TMEM163: variants seen among roughly 807,000 people sequenced by gnomAD.
TMEM163 encodes transmembrane protein 163.
Under a neutral mutation model 29.3 loss-of-function variants are expected in TMEM163, and 17 were observed. That is an observed-to-expected ratio of 0.58 (90% CI 0.40 to 0.87). TMEM163 has a LOEUF of 0.87. TMEM163 is among the 40% of genes least tolerant of loss of function. The probability of loss-of-function intolerance (pLI) is 0.00; values close to 1 mark genes in which losing one functional copy is unlikely to be tolerated. For synonymous variants in TMEM163, 157 were observed against 160.6 expected, an observed-to-expected ratio of 0.98 and a Z score of 0.17; for missense variants, 303 against 381.5, an observed-to-expected ratio of 0.79 and a Z score of 1.71.
intron 5 of TMEM163, among the ~76,000 whole-genome samples, chr2:134,479,126 A>C (rs1050705711): frequency 1.3e-5 from 2 of 151,988 alleles, no homozygotes; most frequent in Non-Finnish European, 2.9e-5. Context: ...GAACCTCCCA[A>C]CCTCCAGAAC....
chr2:134,473,163 C>A (rs995327633), intron 5 of TMEM163, among the ~76,000 whole-genome samples: 1 of 152,022 alleles, frequency 6.6e-6, no homozygotes. Context: ...TGAGCTTTGC[C>A]TTTAAGAAAA....
At chr2:134,634,015 AT>A (rs1408235485) in intron 2 of TMEM163, among the ~76,000 whole-genome samples, 13 of 33,154 alleles carry the variant, frequency 3.9e-4, no homozygotes, top group African/African-American at 5.5e-4. Context: ...ATATATATAT[AT>A]ATATAATAGG....
chr2:134,529,678 A>G (rs12997756), intron 4 of TMEM163, among the ~76,000 whole-genome samples: 40,758 of 151,634 alleles, frequency 0.27, 5,661 homozygotes, highest in Middle Eastern at 0.38. Context: ...ACTTGAACCC[A>G]GGAGGCAGAG....
At chr2:134,641,858 T>C (rs1574302404) in intron 2 of TMEM163, among the ~76,000 whole-genome samples, 1 of 152,118 alleles carries the variant, frequency 6.6e-6, no homozygotes, top group Non-Finnish European at 1.5e-5. Context: ...AATATAATTA[T>C]ATAAATAGGT....
At chr2:134,563,424 G>T (rs1329254772) in intron 2 of TMEM163, among the ~76,000 whole-genome samples, 1 of 152,210 alleles carries the variant, frequency 6.6e-6, no homozygotes, top group Non-Finnish European at 1.5e-5. Context: ...AGTGAATTCA[G>T]CAAGGCCACC....
chr2:134,457,960 G>C, intron 7 of TMEM163, 72 bp downstream of exon 7: 1 of 1,602,034 alleles, frequency 6.2e-7, no homozygotes, highest in African/African-American at 1.3e-5. Flanking sequence ...GTCATTTCCT[G>C]ACTGGGGAAG....
At chr2:134,607,150 G>A (rs1289727680) in intron 2 of TMEM163, among the ~76,000 whole-genome samples, 5 of 120,368 alleles carry the variant, frequency 4.2e-5, no homozygotes, top group Admixed American at 7.6e-5. Context: ...GACAGACCCC[G>A]AGAACTGTGC....
chr2:134,581,634 C>CG (rs11403384), intron 2 of TMEM163, among the ~76,000 whole-genome samples: 47,115 of 151,662 alleles, frequency 0.31, 7,849 homozygotes, highest in Middle Eastern at 0.6. Context: ...TTTATGGGGG[C>CG]GGGGGGGAGA....
intron 2 of TMEM163, among the ~76,000 whole-genome samples, chr2:134,659,616 A>T (rs934894341): frequency 7.2e-5 from 11 of 152,244 alleles, no homozygotes; most frequent in African/African-American, 2.4e-4. Context: ...TGCAGATGCC[A>T]TGATGAAAGA....
intron 2 of TMEM163, among the ~76,000 whole-genome samples, chr2:134,590,523 C>A (rs1681914156): frequency 6.6e-6 from 1 of 152,152 alleles, no homozygotes; most frequent in Admixed American, 6.5e-5. Flanking sequence ...CAGATCCAGA[C>A]CCCAAGAGAG....
chr2:134,675,086 G>C (rs1684086856), intron 2 of TMEM163, among the ~76,000 whole-genome samples: 1 of 152,166 alleles, frequency 6.6e-6, no homozygotes, highest in South Asian at 2.1e-4. Context: ...AGGTTGACAG[G>C]ATTAAGCATC....
chr2:134,700,071 C>T (rs1684664830), intron 2 of TMEM163, among the ~76,000 whole-genome samples: 1 of 151,982 alleles, frequency 6.6e-6, no homozygotes, highest in Non-Finnish European at 1.5e-5. Context: ...TGACTTTTAC[C>T]TGATAGCTTT....
chr2:134,693,404 C>T (rs1247789027), intron 2 of TMEM163, among the ~76,000 whole-genome samples: 5 of 151,934 alleles, frequency 3.3e-5, no homozygotes, highest in South Asian at 2.1e-4. Context: ...GTCAGGAGTT[C>T]GAGACCACCC....
At chr2:134,680,321 C>T (rs933670493) in intron 2 of TMEM163, among the ~76,000 whole-genome samples, 1 of 151,124 alleles carries the variant, frequency 6.6e-6, no homozygotes, top group African/African-American at 2.4e-5. Flanking sequence ...AATTAAAAGA[C>T]TAAAATCAAA....
intron 2 of TMEM163, among the ~76,000 whole-genome samples, chr2:134,573,328 G>A (rs964583598): frequency 1.3e-5 from 2 of 152,234 alleles, no homozygotes; most frequent in African/African-American, 4.8e-5. Context: ...CTGATGGATA[G>A]AAGGGGCTCA....
At chr2:134,554,906 C>A (rs1402997363) in intron 2 of TMEM163, among the ~76,000 whole-genome samples, 1 of 152,146 alleles carries the variant, frequency 6.6e-6, no homozygotes, top group Non-Finnish European at 1.5e-5. Flanking sequence ...AACCCAGAGT[C>A]CTTCACAGAG....
At chr2:134,700,297 T>C (rs569255751) in intron 2 of TMEM163, among the ~76,000 whole-genome samples, 5 of 152,208 alleles carry the variant, frequency 3.3e-5, no homozygotes, top group Admixed American at 6.5e-5. Flanking sequence ...CTAAAAACAC[T>C]GACTATTTTC....
intron 2 of TMEM163, among the ~76,000 whole-genome samples, chr2:134,583,773 C>T (rs1234583269): frequency 6.6e-6 from 1 of 152,154 alleles, no homozygotes; most frequent in East Asian, 1.9e-4. Context: ...CTGCCTGCCC[C>T]CTATGAGATG....
chr2:134,483,505 C>T, intron 5 of TMEM163, among the ~76,000 whole-genome samples: 1 of 152,174 alleles, frequency 6.6e-6, no homozygotes. Context: ...ACAACACAAG[C>T]CCATACTATT....
Sources: allele counts gnomAD v4.1 joint callset (sites outside exome capture counted in the v4.1 genomes callset), GRCh38; gene constraint gnomAD v4.1.1; transcripts MANE v1.5; gene names NCBI Gene and HGNC (gene_info 2026-07-23, HGNC 2026-07-21).